The following SH3RF1 variants were observed in gnomAD, a reference collection of about 807,000 sequenced individuals.
SH3RF1 encodes the protein SH3 domain containing ring finger 1.
SH3RF1 carries 32 observed loss-of-function variants against 74.0 expected under a neutral mutation model. The ratio of observed to expected loss-of-function variants is 0.43; its 90% CI spans 0.33 to 0.58. The LOEUF is 0.58. Among genes scored for constraint, SH3RF1 ranks in the 20% least tolerant of loss-of-function variants. SH3RF1 has a pLI of 0.05. For missense variants in SH3RF1, 954 were observed against 1,130.9 expected, an observed-to-expected ratio of 0.84 and a Z score of 2.24; for synonymous variants, 396 against 439.6, an observed-to-expected ratio of 0.90 and a Z score of 1.24.
At chr4:169,188,189 GT>G (rs2126982969) in intron 2 of SH3RF1, among the ~76,000 whole-genome samples, 1 of 152,310 alleles carries the variant, frequency 6.6e-6, no homozygotes, top group Admixed American at 6.5e-5. Flanking sequence ...AATCTACAAA[GT>G]TTTTGGTAAT....
chr4:169,206,605 T>A (rs1285604046), intron 2 of SH3RF1, among the ~76,000 whole-genome samples: 1 of 152,240 alleles, frequency 6.6e-6, no homozygotes. Context: ...CAAGTGCTTA[T>A]TATGTGCAGT....
Position 169,268,901 on chromosome 4 carries a change from C to G in SH3RF1, c.312G>C (p.Val104=), listed in dbSNP as rs1731398710. 6.2e-7 allele frequency: 1 copy of G among 1,613,680 alleles called. No homozygotes were observed. Among genetic ancestry groups the G allele is most frequent in the Middle Eastern group, 1.8e-4 (1 of 5,712 alleles). ...GCAGATCTTTTGAGCTACAATTAGC[C>G]ACAGTGCTGCTCTGAGACCTTAATG... is the stretch of plus-strand genomic sequence containing the variant. ...TNALRSQSST[V]ANCSSKDLQS... The change falls in exon 2 of 12, where the codon GTG becomes GTC. Residue 104 remains valine (V), a synonymous_variant. Coordinates refer to ENST00000284637, the MANE Select transcript of SH3RF1 (RefSeq NM_020870.4).
chr4:169,111,084 G>T (rs1382746228), intron 10 of SH3RF1, among the ~76,000 whole-genome samples: 1 of 151,776 alleles, frequency 6.6e-6, no homozygotes, highest in Non-Finnish European at 1.5e-5. Flanking sequence ...GAGGCAGGGG[G>T]ATCACTTGAG....
At chr4:169,262,629 C>T (rs1171054348) in intron 2 of SH3RF1, among the ~76,000 whole-genome samples, 5 of 152,050 alleles carry the variant, frequency 3.3e-5, no homozygotes, top group African/African-American at 9.7e-5. Flanking sequence ...ATCTCACCAT[C>T]GCCCTCCAGC....
At chr4:169,169,621 TAAA>T (rs1179142708) in intron 2 of SH3RF1, among the ~76,000 whole-genome samples, 1 of 151,894 alleles carries the variant, frequency 6.6e-6, no homozygotes, top group Non-Finnish European at 1.5e-5. Context: ...AATAAAAAAA[TAAA>T]AACTCAGACA....
At chr4:169,144,691 A>G (rs1214665430) in intron 4 of SH3RF1, among the ~76,000 whole-genome samples, 2 of 152,186 alleles carry the variant, frequency 1.3e-5, no homozygotes, top group East Asian at 3.8e-4. Flanking sequence ...CAGGCACACT[A>G]TAGTGAACTA....
At chr4:169,195,102 T>G (rs1358312884) in intron 2 of SH3RF1, among the ~76,000 whole-genome samples, 4 of 152,188 alleles carry the variant, frequency 2.6e-5, no homozygotes, top group Non-Finnish European at 5.9e-5. Context: ...TTAGCTAAAG[T>G]CTGTTTGTTG....
In SH3RF1 at chr4:169,154,392, C is replaced by T. The variant is rs74550316; in HGVS notation, c.765+1088G>A. ...AAATTGAGTGCTGGCTACAATGATA[C>T]AGTTTGTCATTTTAGTTTTCAAGAT... On this transcript the variant is annotated intron_variant, in intron 4 of 11. Transcript: ENST00000284637. 4.5e-4 allele frequency among the ~76,000 whole-genome samples: 69 copies of T among 152,272 alleles called. No individual in the cohort carries two copies. In the East Asian group the frequency reaches 0.013, roughly 29 times the overall value.
At chr4:169,229,654 G>A (rs1296566034) in intron 2 of SH3RF1, among the ~76,000 whole-genome samples, 4 of 152,150 alleles carry the variant, frequency 2.6e-5, no homozygotes, top group Non-Finnish European at 5.9e-5. Context: ...GCAAGAAAGT[G>A]AGAAGTGAAT....
intron 10 of SH3RF1, among the ~76,000 whole-genome samples, chr4:169,108,735 T>G (rs1279506739): frequency 6.6e-6 from 1 of 152,248 alleles, no homozygotes; most frequent in East Asian, 1.9e-4. Context: ...GTGGGGCTAC[T>G]GTGTGCATTC....
intron 2 of SH3RF1, among the ~76,000 whole-genome samples, chr4:169,184,998 G>A (rs1734579891): frequency 6.6e-6 from 1 of 152,170 alleles, no homozygotes. Flanking sequence ...CCTCATTCCA[G>A]ACGTCCTGCA....
At chr4:169,255,075 A>G (rs1261909759) in intron 2 of SH3RF1, among the ~76,000 whole-genome samples, 1 of 152,208 alleles carries the variant, frequency 6.6e-6, no homozygotes, top group Non-Finnish European at 1.5e-5. Flanking sequence ...CTGGCTAGGA[A>G]GATGGTAAGG....
chr4:169,160,706 A>G (rs1734137007), intron 2 of SH3RF1, among the ~76,000 whole-genome samples: 1 of 152,232 alleles, frequency 6.6e-6, no homozygotes, highest in African/African-American at 2.4e-5. Flanking sequence ...GGCTTCCCAC[A>G]TTAAATAAAA....
intron 2 of SH3RF1, among the ~76,000 whole-genome samples, chr4:169,235,777 C>T (rs1315739103): frequency 2.0e-5 from 3 of 151,940 alleles, no homozygotes; most frequent in South Asian, 2.1e-4. Flanking sequence ...CTGCAACCTC[C>T]GCCTCCCCAG....
intron 2 of SH3RF1, among the ~76,000 whole-genome samples, chr4:169,179,347 C>CTG (rs1161303962): frequency 2.4e-4 from 37 of 152,304 alleles, no homozygotes; most frequent in Admixed American, 8.5e-4. Context: ...CTGCCTACAC[C>CTG]TTGATTTTGG....
chr4:169,251,868 A>C (rs1471136307), intron 2 of SH3RF1, among the ~76,000 whole-genome samples: 2 of 152,228 alleles, frequency 1.3e-5, no homozygotes, highest in Non-Finnish European at 2.9e-5. Flanking sequence ...TTTTATTAAC[A>C]AAACTGTGAT....
intron 4 of SH3RF1, among the ~76,000 whole-genome samples, chr4:169,141,379 G>A (rs951402167): frequency 5.9e-5 from 9 of 152,046 alleles, no homozygotes; most frequent in Admixed American, 1.3e-4. Flanking sequence ...TTATAGAGAC[G>A]TTGCCATTTA....
chr4:169,163,335 AAAAC>A (rs1373427596), intron 2 of SH3RF1, among the ~76,000 whole-genome samples: 3 of 152,160 alleles, frequency 2.0e-5, no homozygotes, highest in African/African-American at 7.2e-5. Context: ...TAAAATACAG[AAAAC>A]AAACTGAAAT....
intron 8 of SH3RF1, among the ~76,000 whole-genome samples, chr4:169,118,522 C>T (rs940583329): frequency 1.3e-5 from 2 of 151,864 alleles, no homozygotes; most frequent in Admixed American, 6.6e-5. Flanking sequence ...TGGAGTGGTG[C>T]GATCTCAGCT....
Sources: gnomAD v4.1 joint callset for allele counts (sites outside exome capture counted in the v4.1 genomes callset) on GRCh38, gnomAD v4.1.1 for gene constraint, MANE v1.5 for transcripts, NCBI Gene and HGNC (gene_info 2026-07-23, HGNC 2026-07-21) for gene names.